The following MRC1 variants were observed in gnomAD, a reference collection of about 807,000 sequenced individuals.
MRC1 encodes macrophage mannose receptor 1.
In MRC1, 62 loss-of-function variants were observed where a neutral mutation model predicts 102.9. The ratio of observed to expected loss-of-function variants is 0.60; its 90% CI spans 0.49 to 0.74. The LOEUF (loss-of-function observed/expected upper bound fraction) is 0.74, where lower values mean the gene tolerates loss of function less well. Among genes scored for constraint, MRC1 ranks in the 30% least tolerant of loss-of-function variants. The pLI, the probability that MRC1 is intolerant of heterozygous loss-of-function variation, is 0.00. For synonymous variants in MRC1, 457 were observed against 298.4 expected (o/e 1.53, Z -5.48); for missense variants, 1,237 against 862.8 (o/e 1.43, Z -5.43).
intron 7 of MRC1, among the ~76,000 whole-genome samples, chr10:17,851,127 G>T (rs993009836): frequency 1.3e-5 from 2 of 152,048 alleles, no homozygotes; most frequent in African/African-American, 4.8e-5. Flanking sequence ...CTCTAGAACT[G>T]GAGTGCACAT....
chr10:17,903,788 A>G (rs2130721454), intron 26 of MRC1, among the ~76,000 whole-genome samples: 1 of 152,162 alleles, frequency 6.6e-6, no homozygotes, highest in African/African-American at 2.4e-5. Flanking sequence ...ATGTTAATTT[A>G]CAAAAATCTA....
chr10:17,898,670 G>A (rs992564553), intron 24 of MRC1, among the ~76,000 whole-genome samples: 3 of 152,210 alleles, frequency 2.0e-5, no homozygotes, highest in Non-Finnish European at 2.9e-5. Flanking sequence ...GTGGCAAGAC[G>A]TTCTAGACTT....
chr10:17,833,271 A>G (rs1838606970), intron 3 of MRC1, among the ~76,000 whole-genome samples: 1 of 152,150 alleles, frequency 6.6e-6, no homozygotes, highest in Non-Finnish European at 1.5e-5. Flanking sequence ...TTGTAATCCC[A>G]GCACTTTGGG....
chr10:17,840,789 A>G lies in MRC1; in HGVS notation c.899A>G (p.Tyr300Cys), dbSNP rs1838738492. 8 of 780,880 alleles carry G rather than the reference A, an allele frequency of 1.0e-5. No individual in the cohort carries two copies. The highest frequency in any genetic ancestry group is 5.1e-5 in the Admixed American group (3 of 59,036). 48.4% of individuals were successfully genotyped at this position (780,880 alleles called of 1,614,324 possible). A position where few individuals can be genotyped will look rare whatever the true frequency, so the allele number is the denominator to read the frequency against. The change falls in exon 5 of 30, where the codon TAT becomes TGT. Residue 300 changes from tyrosine to cysteine, a missense_variant. By Grantham distance (194) the Tyr-to-Cys change is radical. Coordinates refer to ENST00000569591, the MANE Select transcript of MRC1 (RefSeq NM_002438.4). The part of the protein sequence containing the change: ...WQWSDRSPFR[Y>C]LNWLPGSPSA... ...TGGAGTGACCGCAGTCCTTTCCGAT[A>G]TTTGAACTGGTTACCAGGTAGGGTT...
At position 17,827,530 on chromosome 10, in the gene MRC1, A is replaced by G; in HGVS notation, c.464-12A>G. On this transcript the variant is annotated splice_polypyrimidine_tract_variant and intron_variant, in intron 2 of 29. Coordinates refer to ENST00000569591, the MANE Select transcript of MRC1 (RefSeq NM_002438.4). The stretch of plus-strand genomic sequence containing the variant: ...ACTCACATTCCAAGTTCAAGTCAAT[A>G]TGTTTTTCCAGCCATGTATACGCTA... 2 of 780,698 alleles carry G rather than the reference A, an allele frequency of 2.6e-6. No individual in the cohort carries two copies. The highest frequency in any genetic ancestry group is 2.4e-6 in the Non-Finnish European group (1 of 417,932). The allele number at this position is 780,698 out of a possible 1,614,324, so 48.4% of individuals were successfully genotyped here.
At chr10:17,900,251 G>A (rs1398519234) in intron 24 of MRC1, among the ~76,000 whole-genome samples, 4 of 150,286 alleles carry the variant, frequency 2.7e-5, no homozygotes, top group African/African-American at 9.7e-5. Flanking sequence ...AGAGACTAAG[G>A]CTTCTCTCTT....
intron 22 of MRC1, among the ~76,000 whole-genome samples, chr10:17,885,746 T>C (rs1196591477): frequency 6.6e-6 from 1 of 152,020 alleles, no homozygotes; most frequent in African/African-American, 2.4e-5. Flanking sequence ...CTTCCCCTTA[T>C]TCCTTGTAGC....
intron 21 of MRC1, among the ~76,000 whole-genome samples, chr10:17,882,881 G>A (rs2130694118): frequency 6.6e-6 from 1 of 152,310 alleles, no homozygotes; most frequent in South Asian, 2.1e-4. Flanking sequence ...ACAAAGTGCT[G>A]ATTCCTGGCA....
rs1833778925 is a variant in MRC1 at position 17,898,019 on chromosome 10, A to T, written c.3251-15A>T. 3 of 780,832 alleles carry T rather than the reference A, an allele frequency of 3.8e-6. No homozygotes were observed. 48.4% of individuals were successfully genotyped at this position (780,832 alleles called of 1,614,324 possible). On this transcript the variant is annotated splice_polypyrimidine_tract_variant and intron_variant, in intron 23 of 29. Transcript: ENST00000569591. ...GTTTATTGATAATGCTAATGAAAAT[A>T]ATGTTTTTATCTAGACCCTTCCTTG...
intron 21 of MRC1, among the ~76,000 whole-genome samples, chr10:17,884,801 T>C (rs1833568557): frequency 6.6e-6 from 1 of 152,244 alleles, no homozygotes; most frequent in South Asian, 2.1e-4. Context: ...ATCAACAGCC[T>C]AATGATTCTT....
At chr10:17,907,736 C>A (rs910153572) in intron 28 of MRC1, 38 bp downstream of exon 28, 4 of 779,474 alleles carry the variant, frequency 5.1e-6, no homozygotes, top group African/African-American at 1.7e-5. Flanking sequence ...ATATCACTGG[C>A]TGCCATTTCT....
chr10:17,909,842 T>C (rs1341180041), intron 29 of MRC1, among the ~76,000 whole-genome samples: 1 of 152,078 alleles, frequency 6.6e-6, no homozygotes, highest in African/African-American at 2.4e-5. Flanking sequence ...TTTCCACTAT[T>C]CTTATTTTAT....
At position 17,823,105 on chromosome 10, in the gene MRC1, T is replaced by A. The variant is rs1838419705; in HGVS notation, c.93T>A (p.Asp31Glu). 3.8e-6 allele frequency: 3 copies of A among 780,770 alleles called. No homozygotes were observed. The highest frequency in any genetic ancestry group is 7.2e-6 in the Non-Finnish European group (3 of 417,976). 48.4% of individuals were successfully genotyped at this position (780,770 alleles called of 1,614,324 possible). ...GGCAATTTTTAATCTATAATGAAGA[T>A]CACAAGCGCTGCGTGGATGCAGTGA... ...DTRQFLIYNE[D>E]HKRCVDAVSP... Residue 31 changes from aspartate to glutamate, a missense_variant, in exon 2 of 30, where the codon GAT (aspartate) becomes GAA (glutamate). Coordinates refer to ENST00000569591, the MANE Select transcript of MRC1 (RefSeq NM_002438.4).
chr10:17,814,677 C>CTTTTTTTT (rs1179816829), intron 1 of MRC1, among the ~76,000 whole-genome samples: 1 of 85,124 alleles, frequency 1.2e-5, no homozygotes, highest in Non-Finnish European at 2.2e-5. Flanking sequence ...TTCCGTCCCT[C>CTTTTTTTT]TTTTTTTTTT....
At chr10:17,878,764 G>C (rs1833471756) in intron 18 of MRC1, among the ~76,000 whole-genome samples, 1 of 152,044 alleles carries the variant, frequency 6.6e-6, no homozygotes, top group Non-Finnish European at 1.5e-5. Context: ...CTGGGTTCAA[G>C]CAATCCTTCC....
At chr10:17,852,906 T>C in intron 7 of MRC1, 61 bp from the exon 8 acceptor site, 1 of 780,464 alleles carries the variant, frequency 1.3e-6, no homozygotes, top group Middle Eastern at 2.4e-4. Context: ...CCGTTCCTTT[T>C]ACCCCCCGAC....
chr10:17,885,462 C>G lies in MRC1; in HGVS notation c.3147+27C>G, dbSNP rs964812351. 6.3e-5 allele frequency: 49 copies of G among 780,114 alleles called. No homozygotes were observed. In the East Asian group the frequency reaches 7.5e-4, roughly 12 times the overall value. The allele number at this position is 780,114 out of a possible 1,614,324, so 48.3% of individuals were successfully genotyped here. On this transcript the variant is annotated intron_variant, in intron 22 of 29. Transcript: ENST00000569591. ...TAAATATCAGATTCAGGTCACCTCTCTACACACCATCAGCTTGCACAGGGT... is the reference window on the plus strand; with the variant it reads ...TAAATATCAGATTCAGGTCACCTCTGTACACACCATCAGCTTGCACAGGGT...
intron 22 of MRC1, among the ~76,000 whole-genome samples, chr10:17,890,033 G>T (rs2130703766): frequency 6.6e-6 from 1 of 151,950 alleles, no homozygotes; most frequent in African/African-American, 2.4e-5. Flanking sequence ...CTCAATGTTT[G>T]TTTGTCTGAG....
At chr10:17,820,746 A>T (rs201465388) in intron 1 of MRC1, among the ~76,000 whole-genome samples, 38,700 of 152,150 alleles carry the variant, frequency 0.25, 5,058 homozygotes, top group African/African-American at 0.28. Flanking sequence ...AGAGGCTAGT[A>T]TAGTGGAGTT....
Sources: allele counts gnomAD v4.1 joint callset (sites outside exome capture counted in the v4.1 genomes callset), GRCh38; gene constraint gnomAD v4.1.1; transcripts MANE v1.5; gene names NCBI Gene and HGNC (gene_info 2026-07-23, HGNC 2026-07-21).